Variants in GLOD5 observed in about 807,000 individuals in gnomAD.
The protein encoded by GLOD5 is glyoxalase domain-containing protein 5.
GLOD5 carries 7 observed loss-of-function variants against 9.9 expected under a neutral mutation model. The observed-to-expected ratio is 0.71, with a 90% CI of 0.40 to 1.33. The LOEUF is 1.33. Among genes scored for constraint, GLOD5 ranks in the 40% most tolerant of loss-of-function variants. The pLI is 0.01. For missense variants in GLOD5, 146 were observed against 128.4 expected, an observed-to-expected ratio of 1.14 and a Z score of -0.66; for synonymous variants, 49 against 47.3, an observed-to-expected ratio of 1.04 and a Z score of -0.14.
chrX:48,764,633 C>T (rs1372623904), intron 1 of GLOD5, among the ~76,000 whole-genome samples: 1 of 106,316 alleles, frequency 9.4e-6, no homozygotes, highest in Non-Finnish European at 1.9e-5. Context: ...TTGCAACCTC[C>T]GCCTCCCAGG....
chrX:48,763,887 A>AT (rs1171094507), intron 1 of GLOD5, among the ~76,000 whole-genome samples: 5 of 111,480 alleles, frequency 4.5e-5, no homozygotes, highest in South Asian at 7.6e-4. Context: ...ATGGTACAGG[A>AT]TTTTTTTTAG....
rs782337266 is a variant in GLOD5 at position 48,773,435 on chromosome X, A to G, written c.483A>G (p.Ter161TrpextTer35). ...LIEVSNYISS[*>W] ...AGGTGTCCAACTACATCTCCTCGTG[A>G]TGGAGGCTGGACCTCCTCCATTCTG... The change falls in exon 4 of 4, where the codon TGA becomes TGG. Residue 161 changes from the stop codon to tryptophan (W), a stop_lost. Transcript: ENST00000303227. The G allele has an allele frequency of 5.5e-5, 66 of 1,205,856 alleles. No homozygotes were observed. Among genetic ancestry groups the G allele is most frequent in the Non-Finnish European group, 7.2e-5 (64 of 893,598 alleles).
intron 3 of GLOD5, 122 bp from the exon 4 acceptor site, chrX:48,773,188 C>A (rs781882956): frequency 1.3e-6 from 1 of 789,000 alleles, no homozygotes; most frequent in East Asian, 3.4e-5. Context: ...TGAGATCTCA[C>A]CACTGCACTC....
intron 2 of GLOD5, among the ~76,000 whole-genome samples, chrX:48,770,358 CAACT>C (rs1439340375): frequency 4.5e-5 from 5 of 112,233 alleles, no homozygotes; most frequent in Non-Finnish European, 7.5e-5. Flanking sequence ...GGAGAAAACT[CAACT>C]AACTGTGGGT....
chrX:48,771,253 C>T (rs1375765305), intron 3 of GLOD5, among the ~76,000 whole-genome samples, 171 bp downstream of exon 3: 1 of 111,607 alleles, frequency 9.0e-6, no homozygotes, highest in Admixed American at 9.6e-5. Context: ...AAAAAGGAAA[C>T]TGTGCGTTCC....
chrX:48,770,081 C>T (rs1327717577), intron 2 of GLOD5, among the ~76,000 whole-genome samples: 1 of 108,945 alleles, frequency 9.2e-6, no homozygotes, highest in Non-Finnish European at 1.9e-5. Context: ...TTGAGACCAG[C>T]CTGGCCAACA....
At chrX:48,767,397 C>T (rs781967884) in intron 2 of GLOD5, among the ~76,000 whole-genome samples, 3 of 111,961 alleles carry the variant, frequency 2.7e-5, no homozygotes, top group Admixed American at 9.5e-5. Flanking sequence ...GAGGCCGAGG[C>T]GGGTGGATCA....
chrX:48,762,192 T>C (rs1419122048), intron 1 of GLOD5: 2 of 168,671 alleles, frequency 1.2e-5, no homozygotes, highest in Non-Finnish European at 2.2e-5. Context: ...AACACAGCGC[T>C]GACCTTGAGC....
chrX:48,765,830 T>C lies in GLOD5; in HGVS notation c.64-5T>C. On this transcript the variant is annotated splice_polypyrimidine_tract_variant and splice_region_variant and intron_variant, in intron 1 of 3. Transcript: ENST00000303227. ...GTCTCTTCTGACTTTTTTTTCTTTT[T>C]TTAGTCATGGAGGGACAGCAGTCAG... The C allele has an allele frequency of 8.5e-7, 1 of 1,178,808 alleles. No homozygotes were observed.
intron 1 of GLOD5, among the ~76,000 whole-genome samples, chrX:48,762,111 G>A (rs1043325427): frequency 5.4e-5 from 6 of 111,224 alleles, no homozygotes; most frequent in African/African-American, 2.0e-4. Context: ...CAGGTGGAGA[G>A]ATACAAAGGT....
chrX:48,766,985 C>CAAAAAAAA (rs782648787), intron 2 of GLOD5, among the ~76,000 whole-genome samples: 106 of 3,018 alleles, frequency 0.035, 36 homozygotes, highest in Non-Finnish European at 0.046. Context: ...GATTCCATCT[C>CAAAAAAAA]AAAAAAAAAA....
Position 48,770,387 on chromosome X carries a change from GTTTTC to G in GLOD5, c.202-534_202-530del, listed in dbSNP as rs782582091. On this transcript the variant is annotated intron_variant, in intron 2 of 3. Coordinates refer to ENST00000303227, the MANE Select transcript of GLOD5 (RefSeq NM_001080489.3). ...TAACTGTGGGTTAAACAAGACAAGA[GTTTTC>G]TTTTCGTTTCACTGAACAACCAGTC... 3.6e-5 allele frequency among the ~76,000 whole-genome samples: 4 copies of G among 112,379 alleles called. No homozygotes were observed. In the East Asian group the frequency reaches 8.3e-4, roughly 23 times the overall value.
chrX:48,770,397 C>T (rs2062619364), intron 2 of GLOD5, among the ~76,000 whole-genome samples: 2 of 112,025 alleles, frequency 1.8e-5, no homozygotes, highest in South Asian at 7.3e-4. Flanking sequence ...GTTTTCTTTT[C>T]GTTTCACTGA....
chrX:48,765,407 G>A lies in GLOD5; in HGVS notation c.64-428G>A, dbSNP rs781801394. Among the ~76,000 whole-genome samples the A allele has an allele frequency of 6.5e-5, 7 of 108,049 alleles. No homozygotes were observed. The East Asian group carries it at 2.0e-3, about 31-fold the overall frequency. 93.8% of individuals were successfully genotyped at this position (108,049 alleles called of 115,157 possible). Reference sequence around the variant, plus strand: ...AGCCTGACCAACATAGTGAAACCCCGTCTCTACTAAAAATACAAAAATTAG... The same window carrying A: ...AGCCTGACCAACATAGTGAAACCCCATCTCTACTAAAAATACAAAAATTAG... On this transcript the variant is annotated intron_variant, in intron 1 of 3. Coordinates refer to ENST00000303227, the MANE Select transcript of GLOD5 (RefSeq NM_001080489.3).
At chrX:48,765,646 T>C in intron 1 of GLOD5, 189 bp from the exon 2 acceptor site, 1 of 505,230 alleles carries the variant, frequency 2.0e-6, no homozygotes, top group Non-Finnish European at 3.6e-6. Context: ...ATGGTAGACA[T>C]GTGGGCTCTC....
At position 48,766,985 on chromosome X, in the gene GLOD5, C is replaced by CAAAAAAAAAAAAAAAAAA. The variant is rs782648787; in HGVS notation, c.201+1016_201+1033dup. On this transcript the variant is annotated intron_variant, in intron 2 of 3. Transcript: ENST00000303227. ...TGGGTGACAGAGCAAGATTCCATCT[C>CAAAAAAAAAAAAAAAAAA]AAAAAAAAAAAAAAAAAAAACCAAC... is the stretch of plus-strand genomic sequence containing the variant. Among the ~76,000 whole-genome samples, 9 of 3,020 alleles carry CAAAAAAAAAAAAAAAAAA rather than the reference C, an allele frequency of 3.0e-3. 2 individuals carry two copies. Among genetic ancestry groups the CAAAAAAAAAAAAAAAAAA allele is most frequent in the East Asian group, 0.016 (2 of 122 alleles). The allele number at this position is 3,020 out of a possible 115,157, so 2.6% of individuals were successfully genotyped here.
chrX:48,769,075 A>C lies in GLOD5; in HGVS notation c.202-1852A>C, dbSNP rs782339523. On this transcript the variant is annotated intron_variant, in intron 2 of 3. Coordinates refer to ENST00000303227, the MANE Select transcript of GLOD5 (RefSeq NM_001080489.3). ...ATAAAGTCATTTTCTGATTGAATGGATGTGGTATCATTCATAGTGATATAA... is the reference window on the plus strand; with the variant it reads ...ATAAAGTCATTTTCTGATTGAATGGCTGTGGTATCATTCATAGTGATATAA... Among the ~76,000 whole-genome samples, 7 of 109,399 alleles carry C rather than the reference A, an allele frequency of 6.4e-5. No individual in the cohort carries two copies. In the East Asian group the frequency reaches 1.7e-3, roughly 27 times the overall value. The allele number at this position is 109,399 out of a possible 115,157, so 95.0% of individuals were successfully genotyped here.
At position 48,766,018 on chromosome X, in the gene GLOD5, TTGA is replaced by T. The variant is rs782505114; in HGVS notation, c.201+48_201+50del. The T allele has an allele frequency of 2.7e-6, 3 of 1,114,190 alleles. No homozygotes were observed. The East Asian group carries it at 9.1e-5, about 34-fold the overall frequency. The allele number at this position is 1,114,190 out of a possible 1,213,427, so 91.8% of individuals were successfully genotyped here. On this transcript the variant is annotated intron_variant, in intron 2 of 3. Transcript: ENST00000303227. ...CAAAATTCAGGTGGGCTAAAATTTGTTGATAACACTTTAACATATAACTTAACT... is the reference window on the plus strand; with the variant it reads ...CAAAATTCAGGTGGGCTAAAATTTGTTAACACTTTAACATATAACTTAACT...
At position 48,765,888 on chromosome X, in the gene GLOD5, C is replaced by T; in HGVS notation, c.117C>T (p.Asp39=). ...CCCCATGTCTTATCCGTAGACTTGA[C>T]CACATCGTGATGACGGTGAAGAGCA... The part of the protein sequence containing the change: ...TPPPCLIRRL[D]HIVMTVKSIK... Residue 39 remains aspartate, a synonymous_variant, in exon 2 of 4, where the codon GAC becomes GAT. Coordinates refer to ENST00000303227, the MANE Select transcript of GLOD5 (RefSeq NM_001080489.3). 8.3e-7 allele frequency: 1 copy of T among 1,201,351 alleles called. No individual in the cohort carries two copies. The highest frequency in any genetic ancestry group is 3.0e-5 in the East Asian group (1 of 33,744).
Sources: gnomAD v4.1 joint callset for allele counts (sites outside exome capture counted in the v4.1 genomes callset) on GRCh38, gnomAD v4.1.1 for gene constraint, MANE v1.5 for transcripts, NCBI Gene and HGNC (gene_info 2026-07-23, HGNC 2026-07-21) for gene names.